VAV3: variants seen among roughly 807,000 people sequenced by gnomAD.
The protein encoded by VAV3 is guanine nucleotide exchange factor VAV3.
A neutral mutation model predicts 131.2 loss-of-function variants in VAV3; 94 were observed. The observed-to-expected ratio is 0.72, with a 90% CI of 0.61 to 0.85. VAV3 has a LOEUF of 0.85. VAV3 is among the 40% of genes least tolerant of loss of function. The pLI, the probability that VAV3 is intolerant of heterozygous loss-of-function variation, is 0.00. For missense variants in VAV3, 939 were observed against 1,002.7 expected (o/e 0.94, Z 0.86); for synonymous variants, 349 against 342.0 (o/e 1.02, Z -0.22).
At chr1:107,601,521 T>C (rs1329615773) in intron 24 of VAV3, among the ~76,000 whole-genome samples, 2 of 152,202 alleles carry the variant, frequency 1.3e-5, no homozygotes, top group Non-Finnish European at 2.9e-5. Flanking sequence ...TATCATTTGA[T>C]TGATGGTTCA....
At chr1:107,721,761 T>C (rs545906131) in intron 15 of VAV3, among the ~76,000 whole-genome samples, 73 of 152,168 alleles carry the variant, frequency 4.8e-4, no homozygotes, top group Admixed American at 1.6e-3. Flanking sequence ...TGCTTTAACA[T>C]CAAACTACAC....
chr1:107,735,175 A>T (rs537523890), intron 15 of VAV3, among the ~76,000 whole-genome samples: 1 of 152,360 alleles, frequency 6.6e-6, no homozygotes, highest in Non-Finnish European at 1.5e-5. Flanking sequence ...CAAAGACACA[A>T]CGTACCAGAA....
At chr1:107,809,255 A>G (rs1667205484) in intron 2 of VAV3, among the ~76,000 whole-genome samples, 1 of 152,214 alleles carries the variant, frequency 6.6e-6, no homozygotes, top group African/African-American at 2.4e-5. Context: ...AGGTGGAATC[A>G]GCACTATAAT....
intron 2 of VAV3, among the ~76,000 whole-genome samples, chr1:107,798,555 T>C (rs554299553): frequency 6.6e-6 from 1 of 151,694 alleles, no homozygotes; most frequent in Admixed American, 6.6e-5. Flanking sequence ...TCATCTCTAC[T>C]AAAAATACAA....
Position 107,891,621 on chromosome 1 carries a change from C to T in VAV3, c.205-16604G>A, listed in dbSNP as rs1344911255. 7.9e-5 allele frequency among the ~76,000 whole-genome samples: 12 copies of T among 151,988 alleles called. No individual in the cohort carries two copies. The East Asian group carries it at 2.3e-3, about 29-fold the overall frequency. On this transcript the variant is annotated intron_variant, in intron 1 of 26. Transcript: ENST00000370056. ...TGGGAGGCCGAAGCGGGTGGATCAC[C>T]TGAGGTCAGGAGTTCAAGACCAGCC...
intron 1 of VAV3, among the ~76,000 whole-genome samples, chr1:107,925,194 C>A (rs345305): frequency 0.96 from 145,651 of 152,222 alleles, 69,994 homozygotes; most frequent in East Asian, 1. Context: ...TTAGCGTTGA[C>A]GGTCAAGATA....
intron 2 of VAV3, among the ~76,000 whole-genome samples, chr1:107,825,227 CAG>C (rs1667960441): frequency 6.6e-6 from 1 of 152,090 alleles, no homozygotes; most frequent in Admixed American, 6.6e-5. Context: ...TATATGCAAA[CAG>C]GGGCTGCCAC....
chr1:107,723,732 A>C (rs989568849), intron 15 of VAV3, among the ~76,000 whole-genome samples: 23 of 152,096 alleles, frequency 1.5e-4, no homozygotes, highest in Admixed American at 3.3e-4. Flanking sequence ...TCCAACCTCC[A>C]AAACAATCTG....
intron 2 of VAV3, among the ~76,000 whole-genome samples, chr1:107,828,082 G>A (rs1284276195): frequency 1.3e-5 from 2 of 152,142 alleles, no homozygotes; most frequent in East Asian, 1.9e-4. Flanking sequence ...AATCAAGACA[G>A]TTTTGGTGAG....
intron 15 of VAV3, among the ~76,000 whole-genome samples, chr1:107,724,107 C>A (rs1259231578): frequency 6.6e-6 from 1 of 152,044 alleles, no homozygotes; most frequent in African/African-American, 2.4e-5. Context: ...TGAAGAACAA[C>A]AGCAACATTT....
chr1:107,715,339 C>T (rs1661033216), intron 15 of VAV3, among the ~76,000 whole-genome samples: 1 of 152,152 alleles, frequency 6.6e-6, no homozygotes, highest in African/African-American at 2.4e-5. Flanking sequence ...ACTTCTATTA[C>T]TGTTATTGCT....
At chr1:107,905,691 T>C (rs1204844438) in intron 1 of VAV3, among the ~76,000 whole-genome samples, 1 of 152,230 alleles carries the variant, frequency 6.6e-6, no homozygotes, top group Non-Finnish European at 1.5e-5. Context: ...TTTTATTGAT[T>C]TTAGGAAATA....
intron 2 of VAV3, among the ~76,000 whole-genome samples, chr1:107,838,107 A>C (rs1238457262): frequency 6.6e-6 from 1 of 152,220 alleles, no homozygotes; most frequent in Non-Finnish European, 1.5e-5. Flanking sequence ...AAACTACAGA[A>C]TGGAAGAATA....
At chr1:107,690,830 A>G (rs1461952543) in intron 17 of VAV3, among the ~76,000 whole-genome samples, 1 of 152,124 alleles carries the variant, frequency 6.6e-6, no homozygotes, top group East Asian at 1.9e-4. Context: ...CCTCATGGCC[A>G]CCACATTCAC....
At chr1:107,928,181 C>CT (rs2101189939) in intron 1 of VAV3, among the ~76,000 whole-genome samples, 1 of 152,294 alleles carries the variant, frequency 6.6e-6, no homozygotes, top group South Asian at 2.1e-4. Context: ...GCCTCTACAA[C>CT]TCTACAAGAA....
intron 1 of VAV3, among the ~76,000 whole-genome samples, chr1:107,889,448 G>A (rs1397511207): frequency 2.6e-5 from 4 of 151,858 alleles, no homozygotes; most frequent in Non-Finnish European, 5.9e-5. Flanking sequence ...GTTTTTTAAA[G>A]AAAGGGACAC....
intron 15 of VAV3, among the ~76,000 whole-genome samples, chr1:107,721,106 A>G (rs908235499): frequency 7.2e-5 from 11 of 152,186 alleles, no homozygotes; most frequent in African/African-American, 2.7e-4. Context: ...GGTGGACTGG[A>G]GAATCCTTTA....
chr1:107,917,951 C>T (rs1422002734), intron 1 of VAV3, among the ~76,000 whole-genome samples: 2 of 152,050 alleles, frequency 1.3e-5, no homozygotes, highest in Non-Finnish European at 1.5e-5. Context: ...CTGAGATGCA[C>T]AGACCCAGGA....
chr1:107,712,640 GT>G (rs1660854183), intron 15 of VAV3, among the ~76,000 whole-genome samples: 1 of 152,034 alleles, frequency 6.6e-6, no homozygotes, highest in African/African-American at 2.4e-5. Flanking sequence ...TTTTGTGGCA[GT>G]TTATTAGTCT....
Sources: allele counts gnomAD v4.1 joint callset (sites outside exome capture counted in the v4.1 genomes callset), GRCh38; gene constraint gnomAD v4.1.1; transcripts MANE v1.5; gene names NCBI Gene and HGNC (gene_info 2026-07-23, HGNC 2026-07-21).